SSBP2: variants seen among roughly 807,000 people sequenced by gnomAD.
The protein encoded by SSBP2 is single-stranded DNA-binding protein 2.
SSBP2 carries 17 observed loss-of-function variants against 61.8 expected under a neutral mutation model. The ratio of observed to expected loss-of-function variants is 0.28; its 90% CI spans 0.19 to 0.41. The LOEUF is 0.41. Among genes scored for constraint, SSBP2 ranks in the 10% least tolerant of loss-of-function variants. The pLI is 1.00. For synonymous variants in SSBP2, 139 were observed against 141.3 expected, an observed-to-expected ratio of 0.98 and a Z score of 0.12; for missense variants, 310 against 458.7, an observed-to-expected ratio of 0.68 and a Z score of 2.96.
At chr5:81,674,293 G>A (rs908362688) in intron 1 of SSBP2, among the ~76,000 whole-genome samples, 1 of 152,140 alleles carries the variant, frequency 6.6e-6, no homozygotes, top group African/African-American at 2.4e-5. Context: ...GCAACTGCTA[G>A]CACAACCGCT....
chr5:81,495,688 A>C (rs1270026231), intron 5 of SSBP2, among the ~76,000 whole-genome samples: 2 of 152,224 alleles, frequency 1.3e-5, no homozygotes, highest in Non-Finnish European at 2.9e-5. Flanking sequence ...ATTAATTCTT[A>C]AAATAAGGCC....
intron 1 of SSBP2, among the ~76,000 whole-genome samples, chr5:81,690,270 T>C (rs1228868856): frequency 6.6e-6 from 1 of 152,084 alleles, no homozygotes; most frequent in Non-Finnish European, 1.5e-5. Flanking sequence ...TAACATTGAA[T>C]GTAAATGGAC....
chr5:81,436,070 C>T (rs963032741), intron 15 of SSBP2, among the ~76,000 whole-genome samples: 1 of 151,190 alleles, frequency 6.6e-6, no homozygotes, highest in Non-Finnish European at 1.5e-5. Flanking sequence ...AGCCTTTAGT[C>T]CTAGCTACTC....
At chr5:81,736,738 G>A (rs891901819) in intron 1 of SSBP2, among the ~76,000 whole-genome samples, 1 of 152,072 alleles carries the variant, frequency 6.6e-6, no homozygotes, top group African/African-American at 2.4e-5. Flanking sequence ...TGTAAATAGG[G>A]CCTTTACTCA....
intron 2 of SSBP2, among the ~76,000 whole-genome samples, chr5:81,649,087 C>T (rs13362287): frequency 0.093 from 14,134 of 152,028 alleles, 1,608 homozygotes; most frequent in African/African-American, 0.27. Context: ...ACCAAAAGCA[C>T]TGGGATTAAC....
At chr5:81,730,206 T>C (rs904758253) in intron 1 of SSBP2, among the ~76,000 whole-genome samples, 4 of 152,316 alleles carry the variant, frequency 2.6e-5, no homozygotes, top group African/African-American at 9.6e-5. Flanking sequence ...TTACCAAAAT[T>C]ACAGAGTAAG....
intron 10 of SSBP2, among the ~76,000 whole-genome samples, chr5:81,453,604 C>T (rs896627439): frequency 4.0e-5 from 6 of 151,740 alleles, no homozygotes; most frequent in African/African-American, 1.5e-4. Context: ...CTACAGGCGC[C>T]CGCCACCTCG....
At chr5:81,641,410 A>C (rs762657043) in intron 2 of SSBP2, among the ~76,000 whole-genome samples, 1 of 152,242 alleles carries the variant, frequency 6.6e-6, no homozygotes, top group African/African-American at 2.4e-5. Flanking sequence ...ACTACATAGT[A>C]TTCATCCTTC....
intron 15 of SSBP2, among the ~76,000 whole-genome samples, chr5:81,433,318 G>T (rs1317920723): frequency 6.6e-6 from 1 of 152,040 alleles, no homozygotes; most frequent in East Asian, 1.9e-4. Context: ...CCCCAACCCT[G>T]TGCTCTCTGA....
intron 3 of SSBP2, among the ~76,000 whole-genome samples, chr5:81,635,393 A>C (rs1748117593): frequency 6.6e-6 from 1 of 152,042 alleles, no homozygotes; most frequent in Non-Finnish European, 1.5e-5. Flanking sequence ...TTTGATGAGT[A>C]GCTGTTATTT....
chr5:81,643,650 T>A (rs934547257), intron 2 of SSBP2, among the ~76,000 whole-genome samples: 1 of 136,140 alleles, frequency 7.3e-6, no homozygotes, highest in Non-Finnish European at 1.5e-5. Context: ...TCACCCAGGC[T>A]GGAGTACAGT....
chr5:81,644,505 T>C (rs1210530409), intron 2 of SSBP2, among the ~76,000 whole-genome samples: 1 of 152,176 alleles, frequency 6.6e-6, no homozygotes, highest in Non-Finnish European at 1.5e-5. Context: ...GAAAACAGCT[T>C]AGTGAAAAAT....
At chr5:81,641,017 GAAAT>G (rs1748736364) in intron 2 of SSBP2, among the ~76,000 whole-genome samples, 1 of 152,150 alleles carries the variant, frequency 6.6e-6, no homozygotes, top group African/African-American at 2.4e-5. Flanking sequence ...ATATGACTGT[GAAAT>G]AAATAGATTT....
chr5:81,713,040 C>A (rs142642623), intron 1 of SSBP2, among the ~76,000 whole-genome samples: 78 of 151,970 alleles, frequency 5.1e-4, no homozygotes, highest in African/African-American at 1.9e-3. Flanking sequence ...AAGGGATGTT[C>A]TTTTAAGGCT....
At chr5:81,540,065 C>T (rs904683450) in intron 4 of SSBP2, among the ~76,000 whole-genome samples, 7 of 152,190 alleles carry the variant, frequency 4.6e-5, no homozygotes, top group Non-Finnish European at 7.3e-5. Context: ...CTACAAAGGA[C>T]ATGAACTCAT....
At chr5:81,742,914 AATAAATAT>A (rs1757123106) in intron 1 of SSBP2, among the ~76,000 whole-genome samples, 1 of 152,156 alleles carries the variant, frequency 6.6e-6, no homozygotes, top group Admixed American at 6.5e-5. Context: ...TGTTATTTAT[AATAAATAT>A]GAAAAAGAAA....
At chr5:81,637,803 C>T (rs1185950311) in intron 2 of SSBP2, among the ~76,000 whole-genome samples, 2 of 152,076 alleles carry the variant, frequency 1.3e-5, no homozygotes, top group African/African-American at 2.4e-5. Flanking sequence ...CACATGCACA[C>T]GTATGTTTAT....
chr5:81,722,505 C>T (rs1354361890), intron 1 of SSBP2, among the ~76,000 whole-genome samples: 1 of 151,170 alleles, frequency 6.6e-6, no homozygotes, highest in Non-Finnish European at 1.5e-5. Context: ...ACAACTATAG[C>T]ATTCTTTTAC....
chr5:81,492,732 T>G (rs1766954704), intron 5 of SSBP2, among the ~76,000 whole-genome samples: 2 of 152,150 alleles, frequency 1.3e-5, no homozygotes, highest in South Asian at 4.1e-4. Context: ...GTCAAAGACC[T>G]GGGTTTTAGT....
Sources: gnomAD v4.1 joint callset for allele counts (sites outside exome capture counted in the v4.1 genomes callset) on GRCh38, gnomAD v4.1.1 for gene constraint, MANE v1.5 for transcripts, NCBI Gene and HGNC (gene_info 2026-07-23, HGNC 2026-07-21) for gene names.